The following CCAR2 variants were observed in gnomAD, a reference collection of about 807,000 sequenced individuals.
CCAR2 encodes the protein cell cycle and apoptosis regulator protein 2.
Under a neutral mutation model 108.1 loss-of-function variants are expected in CCAR2, and 21 were observed. The observed-to-expected ratio is 0.19, with a 90% CI of 0.14 to 0.28. CCAR2 has a LOEUF of 0.28. CCAR2 is among the 10% of genes least tolerant of loss of function. The pLI is 1.00. For missense variants in CCAR2, 1,126 were observed against 1,177.0 expected (o/e 0.96, Z 0.63); for synonymous variants, 577 against 472.8 (o/e 1.22, Z -2.86).
In CCAR2 at chr8:22,617,696, C is replaced by T; in HGVS notation, c.1991C>T (p.Ala664Val). ...LLRDDGEEEF[A>V]GAKLEDSEVR... is the part of the protein sequence containing the mutation. ...TCCATTTATCTTGGCCTTTCTGTAG[C>T]AGGAGCAAAGCTGGAGGATTCGGAG... is the stretch of plus-strand genomic sequence containing the variant. Residue 664 changes from alanine to valine, a missense_variant and splice_region_variant, in exon 16 of 21, where the codon GCA (alanine) becomes GTA (valine). Physicochemically the swap from Ala to Val is moderately conservative, Grantham distance 64. Transcript: ENST00000308511. 6.2e-7 allele frequency: 1 copy of T among 1,614,214 alleles called. No individual in the cohort carries two copies. Among genetic ancestry groups the T allele is most frequent in the South Asian group, 1.1e-5 (1 of 91,092 alleles).
At chr8:22,607,082 CCT>C in intron 5 of CCAR2, 58 bp downstream of exon 5, 1 of 1,609,478 alleles carries the variant, frequency 6.2e-7, no homozygotes, top group African/African-American at 1.3e-5. Context: ...GCCCCTGTGC[CCT>C]GACAGCTGGG....
At chr8:22,606,569 C>A (rs954466406) in intron 3 of CCAR2, 38 bp from the exon 4 acceptor site, 2 of 1,539,020 alleles carry the variant, frequency 1.3e-6, no homozygotes, top group Admixed American at 3.3e-5. Flanking sequence ...TGTCCAGTTT[C>A]CTCCCTTTTA....
rs201311016 is a variant in CCAR2 at position 22,619,312 on chromosome 8, G to A, written c.2684G>A (p.Arg895His). The change falls in exon 20 of 21, where the codon CGT becomes CAT. Residue 895 changes from arginine to histidine, a missense_variant. Coordinates refer to ENST00000308511, the MANE Select transcript of CCAR2 (RefSeq NM_001393997.1). ...LQRLLQELRRRLTPLQLEIQR... is the reference protein window; with the variant it reads ...LQRLLQELRRHLTPLQLEIQR... ...CGGCTGCTGCAGGAGCTCCGCAGGC[G>A]TCTGACCCCCCTGCAGCTGGAGATC... The A allele has an allele frequency of 1.9e-5, 29 of 1,564,400 alleles. No homozygotes were observed. The highest frequency in any genetic ancestry group is 4.7e-5 in the East Asian group (2 of 42,150).
In CCAR2 at chr8:22,616,137, G is replaced by C. The variant is rs141217161; in HGVS notation, c.1734G>C (p.Ala578=). 1 of 1,613,770 alleles carries C rather than the reference G, an allele frequency of 6.2e-7. No individual in the cohort carries two copies. The highest frequency in any genetic ancestry group is 8.5e-7 in the Non-Finnish European group (1 of 1,179,880). Reference sequence around the variant, plus strand: ...CACCTGAACCTGAGAAGGAGGAGGCGGCCAAGGAAGAAGCCACCAAGGAGG... The same window carrying C: ...CACCTGAACCTGAGAAGGAGGAGGCCGCCAAGGAAGAAGCCACCAAGGAGG... ...VSPPEPEKEE[A]AKEEATKEEE... The change falls in exon 14 of 21, where the codon GCG becomes GCC. Residue 578 remains alanine (A), a synonymous_variant. Coordinates refer to ENST00000308511, the MANE Select transcript of CCAR2 (RefSeq NM_001393997.1).
intron 7 of CCAR2, among the ~76,000 whole-genome samples, chr8:22,612,023 C>A (rs967335177): frequency 2.0e-5 from 3 of 151,740 alleles, no homozygotes; most frequent in African/African-American, 7.3e-5. Flanking sequence ...CGGCTCACTG[C>A]CACCTCCGCC....
chr8:22,620,394 T>C lies in CCAR2; in HGVS notation c.*712T>C, dbSNP rs1269077225. 6.6e-6 allele frequency: 1 copy of C among 152,204 alleles called. No individual in the cohort carries two copies. The allele number at this position is 152,204 out of a possible 1,614,324, so 9.4% of individuals were successfully genotyped here. A position where few individuals can be genotyped will look rare whatever the true frequency, so the allele number is the denominator to read the frequency against. ...TCTTTCCATAATCCGTGGTTTCAGTTTGACTTTGTATATAAAGTTGGGGTT... is the reference window on the plus strand; with the variant it reads ...TCTTTCCATAATCCGTGGTTTCAGTCTGACTTTGTATATAAAGTTGGGGTT... On this transcript the variant is annotated 3_prime_UTR_variant, in exon 21 of 21. Coordinates refer to ENST00000308511, the MANE Select transcript of CCAR2 (RefSeq NM_001393997.1).
rs753635295 is a variant in CCAR2 at position 22,612,939 on chromosome 8, C to A, written c.585-78C>A. 1.7e-5 allele frequency: 25 copies of A among 1,448,312 alleles called. No homozygotes were observed. The South Asian group carries it at 3.1e-4, about 18-fold the overall frequency. 89.7% of individuals were successfully genotyped at this position (1,448,312 alleles called of 1,614,324 possible). On this transcript the variant is annotated intron_variant, in intron 7 of 20. Coordinates refer to ENST00000308511, the MANE Select transcript of CCAR2 (RefSeq NM_001393997.1). ...TGAATGTGAGGGATTTCGATTGTTTCCAGTTCTTTTAGTTCAGTTTGTATT... is the reference window on the plus strand; with the variant it reads ...TGAATGTGAGGGATTTCGATTGTTTACAGTTCTTTTAGTTCAGTTTGTATT...
Position 22,615,804 on chromosome 8 carries a change from C to T in CCAR2, c.1500C>T (p.Ala500=), listed in dbSNP as rs1801481393. The change falls in exon 13 of 21, where the codon GCC becomes GCT. Residue 500 remains alanine, a synonymous_variant. Transcript: ENST00000308511. ...AAACGGACACTGATCTCCCAGAGGC[C>T]CCTCCACCCCCCCTAGAACCTGCTG... ...QQETDTDLPE[A]PPPPLEPAVI... is the part of the protein sequence containing the mutation. The T allele has an allele frequency of 3.1e-6, 5 of 1,613,860 alleles. No homozygotes were observed. The highest frequency in any genetic ancestry group is 1.6e-4 in the Middle Eastern group (1 of 6,084).
rs60062081 is a variant in CCAR2, at chr8:22,620,417, GTT to G, written c.*752_*753del. The G allele has an allele frequency of 0.042, 5,200 of 124,056 alleles. 237 individuals carry two copies. The highest frequency in any genetic ancestry group is 0.14 in the African/African-American group (4,803 of 33,898). The allele number at this position is 124,056 out of a possible 1,614,324, so 7.7% of individuals were successfully genotyped here. A position where few individuals can be genotyped will look rare whatever the true frequency, so the allele number is the denominator to read the frequency against. ...GTTTGACTTTGTATATAAAGTTGGG[GTT>G]TTTTTTTTTTTTTTTTGGCTTGTTT... On this transcript the variant is annotated 3_prime_UTR_variant, in exon 21 of 21. Transcript: ENST00000308511.
In CCAR2 at chr8:22,619,352, A is replaced by G. The variant is rs879095798; in HGVS notation, c.2724A>G (p.Glu908=). The change falls in exon 20 of 21, where the codon GAA becomes GAG. Residue 908 remains glutamate, a synonymous_variant. Coordinates refer to ENST00000308511, the MANE Select transcript of CCAR2 (RefSeq NM_001393997.1). ...AGCTGGAGATCCAGCGGGTGGTGGA[A>G]AAGGTAAGGTGGGGGTGGACCAGGA... is the stretch of plus-strand genomic sequence containing the variant. ...PLQLEIQRVV[E]KADSWVEKEE... is the part of the protein sequence containing the mutation. The G allele has an allele frequency of 6.4e-7, 1 of 1,557,416 alleles. No homozygotes were observed. The highest frequency in any genetic ancestry group is 1.2e-5 in the South Asian group (1 of 84,628).
intron 7 of CCAR2, among the ~76,000 whole-genome samples, chr8:22,610,695 C>T (rs1801239447): frequency 6.6e-6 from 1 of 152,236 alleles, no homozygotes; most frequent in African/African-American, 2.4e-5. Context: ...CAGAAAAGAG[C>T]AGGCATCATG....
At chr8:22,619,113 T>C in intron 19 of CCAR2, 37 bp from the exon 20 acceptor site, 1 of 1,602,036 alleles carries the variant, frequency 6.2e-7, no homozygotes, top group Non-Finnish European at 8.5e-7. Flanking sequence ...TGGGCCTTGA[T>C]GGAGCAGCCG....
intron 3 of CCAR2, 130 bp from the exon 4 acceptor site, chr8:22,606,477 C>A: frequency 1.3e-6 from 1 of 746,706 alleles, no homozygotes; most frequent in South Asian, 1.6e-5. Flanking sequence ...CACACCTGTA[C>A]TTCACTCTGT....
At position 22,615,711 on chromosome 8, in the gene CCAR2, T is replaced by C. The variant is rs6558165; in HGVS notation, c.1407T>C (p.Asp469=). The change falls in exon 13 of 21, where the codon GAT becomes GAC. Residue 469 remains aspartate, a synonymous_variant. Transcript: ENST00000308511. ...GETEPTEQAP[D]ALEQAADTSR... ...CGGAGCCTACTGAACAGGCACCTGA[T>C]GCCTTGGAGCAAGCAGCAGACACTT... 82,176 of 1,613,606 alleles carry C rather than the reference T, an allele frequency of 0.051. 5,835 individuals are homozygous for C. The highest frequency in any genetic ancestry group is 0.34 in the African/African-American group (25,414 of 74,928).
Position 22,618,882 on chromosome 8 carries a change from C to A in CCAR2, c.2388C>A (p.Pro796=), listed in dbSNP as rs377328158. ...PGKSTKPGAA[P]TEHKALVSHN... is the part of the protein sequence containing the mutation. ...AAAGCACGAAGCCAGGTGCTGCCCCCACAGAACACAAAGCCTTGGTGTCCC... is the reference window on the plus strand; with the variant it reads ...AAAGCACGAAGCCAGGTGCTGCCCCAACAGAACACAAAGCCTTGGTGTCCC... Residue 796 remains proline, a synonymous_variant, in exon 19 of 21, where the codon CCC becomes CCA. Transcript: ENST00000308511. The A allele has an allele frequency of 1.9e-6, 3 of 1,614,032 alleles. No individual in the cohort carries two copies. Among genetic ancestry groups the A allele is most frequent in the Non-Finnish European group, 2.5e-6 (3 of 1,180,044 alleles).
At position 22,619,814 on chromosome 8, in the gene CCAR2, C is replaced by A. The variant is rs1801692575; in HGVS notation, c.*132C>A. On this transcript the variant is annotated 3_prime_UTR_variant, in exon 21 of 21. Transcript: ENST00000308511. ...CAGGGGTGGCTGACCCCATGCTCAGCCTCTAGGGGACGGCAGGCCATCAGG... is the reference window on the plus strand; with the variant it reads ...CAGGGGTGGCTGACCCCATGCTCAGACTCTAGGGGACGGCAGGCCATCAGG... 4.3e-6 allele frequency: 4 copies of A among 940,640 alleles called. No homozygotes were observed. The highest frequency in any genetic ancestry group is 3.3e-6 in the Non-Finnish European group (2 of 612,134). The allele number at this position is 940,640 out of a possible 1,614,324, so 58.3% of individuals were successfully genotyped here. A position where few individuals can be genotyped will look rare whatever the true frequency, so the allele number is the denominator to read the frequency against.
At position 22,607,960 on chromosome 8, in the gene CCAR2, T is replaced by G; in HGVS notation, c.488-9T>G. ...GGTTTTTGAGTCACCAGTCATTTCC[T>G]TTCTGCAGCTCTGAGTCTCTTCCAA... On this transcript the variant is annotated splice_polypyrimidine_tract_variant and intron_variant, in intron 6 of 20. Transcript: ENST00000308511. The G allele has an allele frequency of 6.2e-7, 1 of 1,613,118 alleles. No individual in the cohort carries two copies. Among genetic ancestry groups the G allele is most frequent in the Admixed American group, 1.7e-5 (1 of 59,786 alleles).
downstream of CCAR2, chr8:22,620,880 T>A (rs1417776772): frequency 6.6e-6 from 1 of 152,576 alleles, no homozygotes; most frequent in Non-Finnish European, 1.5e-5. Flanking sequence ...CCCCAACCAC[T>A]TAGGTCCCAA....
chr8:22,612,658 C>G (rs1445429476), intron 7 of CCAR2: 6 of 163,334 alleles, frequency 3.7e-5, no homozygotes, highest in African/African-American at 1.4e-4. Context: ...AAAAAAATCA[C>G]GTTAACTATA....
Sources: allele counts gnomAD v4.1 joint callset (sites outside exome capture counted in the v4.1 genomes callset), GRCh38; gene constraint gnomAD v4.1.1; transcripts MANE v1.5; gene names NCBI Gene and HGNC (gene_info 2026-07-23, HGNC 2026-07-21).